Variants in SGCD observed in about 807,000 individuals in gnomAD.
The protein encoded by SGCD is delta-sarcoglycan.
Under a neutral mutation model 36.6 loss-of-function variants are expected in SGCD, and 18 were observed. The ratio of observed to expected loss-of-function variants is 0.49; its 90% CI spans 0.34 to 0.73. The LOEUF is 0.73. SGCD is among the 30% of genes least tolerant of loss of function. The pLI is 0.01. For synonymous variants in SGCD, 133 were observed against 130.6 expected, an observed-to-expected ratio of 1.02 and a Z score of -0.12; for missense variants, 387 against 346.7, an observed-to-expected ratio of 1.12 and a Z score of -0.92.
At chr5:156,612,596 G>A (rs577890372) in intron 6 of SGCD, among the ~76,000 whole-genome samples, 1 of 152,356 alleles carries the variant, frequency 6.6e-6, no homozygotes, top group East Asian at 1.9e-4. Flanking sequence ...TGCCTGTATG[G>A]GGGTAAGGGT....
At position 156,140,580 on chromosome 5, in the gene SGCD, T is replaced by A. The variant is rs73811413; in HGVS notation, c.-44+16561T>A. Among the ~76,000 whole-genome samples, 453 of 152,210 alleles carry A rather than the reference T, an allele frequency of 3.0e-3. 1 individual carries two copies. Among genetic ancestry groups the A allele is most frequent in the African/African-American group, 0.01 (429 of 41,534 alleles). On this transcript the variant is annotated intron_variant, in intron 3 of 9. Coordinates refer to the SGCD transcript ENST00000517913. ...ATTTAAGAGCTATGAACTAGGAAAT[T>A]TAGTGGAGAATATCTCTAGGCGGAG...
the SGCD span, among the ~76,000 whole-genome samples, chr5:155,792,643 CAT>C: frequency 3.9e-5 from 6 of 152,004 alleles, no homozygotes; most frequent in African/African-American, 9.7e-5. Flanking sequence ...AGCCAACAAA[CAT>C]ATGAAAAAAT....
At chr5:156,271,305 T>G (rs141652266) in intron 3 of SGCD, among the ~76,000 whole-genome samples, 10 of 152,230 alleles carry the variant, frequency 6.6e-5, no homozygotes, top group African/African-American at 2.4e-4. Context: ...AAAGATTGTT[T>G]TGTTGCCTTT....
chr5:156,641,535 T>A (rs1581314390), intron 6 of SGCD, among the ~76,000 whole-genome samples: 1 of 152,244 alleles, frequency 6.6e-6, no homozygotes, highest in East Asian at 1.9e-4. Context: ...TTGTCATGGT[T>A]CTTGCTCCTT....
chr5:155,806,713 CATT>C, the SGCD span, among the ~76,000 whole-genome samples: 2 of 152,004 alleles, frequency 1.3e-5, no homozygotes, highest in Non-Finnish European at 1.5e-5. Context: ...CAGGAGTAAT[CATT>C]ATAATTACTT....
chr5:156,523,442 T>C (rs1332996480), intron 4 of SGCD, among the ~76,000 whole-genome samples: 2 of 152,192 alleles, frequency 1.3e-5, no homozygotes, highest in Non-Finnish European at 2.9e-5. Flanking sequence ...TGATATTGTA[T>C]ACTTAATGTA....
At chr5:156,604,682 A>T (rs1249016037) in intron 6 of SGCD, among the ~76,000 whole-genome samples, 1 of 149,888 alleles carries the variant, frequency 6.7e-6, no homozygotes, top group African/African-American at 2.4e-5. Flanking sequence ...AAATTAGTAT[A>T]TATAGTATAT....
chr5:156,209,311 C>T (rs547646674), intron 3 of SGCD, among the ~76,000 whole-genome samples: 1 of 152,296 alleles, frequency 6.6e-6, no homozygotes, highest in African/African-American at 2.4e-5. Context: ...AGGCCTGCTG[C>T]AACACCAAGC....
Position 156,438,046 on chromosome 5 carries a change from G to A in SGCD, c.193-70555G>A, listed in dbSNP as rs58711341. ...AGGATACATTGGGGAGGCTGGATTT[G>A]CAACTTTAAAATGGCACCACACTCA... On this transcript the variant is annotated intron_variant, in intron 3 of 8. Transcript: ENST00000337851. Among the ~76,000 whole-genome samples the A allele has an allele frequency of 0.022, 3,421 of 152,222 alleles. 193 individuals carry two copies. In the East Asian group the frequency reaches 0.26, roughly 12 times the overall value.
chr5:155,774,335 C>A, the SGCD span, among the ~76,000 whole-genome samples: 111 of 152,226 alleles, frequency 7.3e-4, no homozygotes, highest in Non-Finnish European at 1.4e-3. Flanking sequence ...CATTCTTTCC[C>A]CTTAAAAATG....
At chr5:156,682,461 T>G (rs1169456755) in intron 7 of SGCD, among the ~76,000 whole-genome samples, 5 of 152,162 alleles carry the variant, frequency 3.3e-5, no homozygotes, top group African/African-American at 7.2e-5. Context: ...CTAAGAGAAG[T>G]AATAAAACAC....
rs115041352 is a variant in SGCD, at chr5:155,880,670, G to A, written c.-282+10246G>A. 4.0e-3 allele frequency among the ~76,000 whole-genome samples: 607 copies of A among 152,248 alleles called. 5 individuals are homozygous for A. The highest frequency in any genetic ancestry group is 0.014 in the African/African-American group (577 of 41,536). On this transcript the variant is annotated intron_variant, in intron 1 of 9. Coordinates refer to the SGCD transcript ENST00000517913. Reference sequence around the variant, plus strand: ...TTACATCGTCATTATGCTTGAGTTAGTGCCCGTGAAGTTTTCAGTAGCTTT... The same window carrying A: ...TTACATCGTCATTATGCTTGAGTTAATGCCCGTGAAGTTTTCAGTAGCTTT...
the SGCD span, among the ~76,000 whole-genome samples, chr5:155,811,836 A>G: frequency 3.2e-4 from 49 of 152,236 alleles, no homozygotes; most frequent in African/African-American, 9.4e-4. Context: ...ATTTAGGGTC[A>G]TTTGATTATG....
chr5:156,474,953 GT>G (rs2127831744), intron 3 of SGCD, among the ~76,000 whole-genome samples: 1 of 152,288 alleles, frequency 6.6e-6, no homozygotes, highest in Non-Finnish European at 1.5e-5. Context: ...ATTCCATAGG[GT>G]TGTTGTAAAG....
At chr5:156,058,294 A>G (rs1185150235) in intron 1 of SGCD, among the ~76,000 whole-genome samples, 1 of 146,724 alleles carries the variant, frequency 6.8e-6, no homozygotes, top group African/African-American at 2.5e-5. Context: ...TTCAGGAGAC[A>G]ACCTAGATTC....
intron 3 of SGCD, among the ~76,000 whole-genome samples, chr5:156,491,873 G>A (rs1755959271): frequency 6.6e-6 from 1 of 151,944 alleles, no homozygotes; most frequent in Non-Finnish European, 1.5e-5. Context: ...TTTTTATATA[G>A]CCACGTTTTC....
chr5:156,231,770 T>C (rs369764886), intron 3 of SGCD, among the ~76,000 whole-genome samples: 28 of 152,284 alleles, frequency 1.8e-4, no homozygotes, highest in Middle Eastern at 6.8e-3. Flanking sequence ...GACTTCGTTT[T>C]CTTTGGTGGG....
At chr5:156,267,251 T>C (rs1766025961) in intron 3 of SGCD, among the ~76,000 whole-genome samples, 1 of 152,232 alleles carries the variant, frequency 6.6e-6, no homozygotes, top group Admixed American at 6.5e-5. Flanking sequence ...CTTCCTGTTG[T>C]TGAGACTGTG....
At chr5:156,455,974 G>A (rs1405765523) in intron 3 of SGCD, among the ~76,000 whole-genome samples, 8 of 152,286 alleles carry the variant, frequency 5.3e-5, no homozygotes, top group African/African-American at 1.9e-4. Flanking sequence ...AGAAGCGAGG[G>A]AGAAGTCTCA....
Sources: allele counts gnomAD v4.1 joint callset (sites outside exome capture counted in the v4.1 genomes callset), GRCh38; gene constraint gnomAD v4.1.1; transcripts MANE v1.5; gene names NCBI Gene and HGNC (gene_info 2026-07-23, HGNC 2026-07-21).